JAKMIP1: variants seen among roughly 807,000 people sequenced by gnomAD.
The protein encoded by JAKMIP1 is janus kinase and microtubule interacting protein 1, also known as janus kinase and microtubule-interacting protein 1.
JAKMIP1 carries 33 observed loss-of-function variants against 113.0 expected under a neutral mutation model. The observed-to-expected ratio is 0.29, with a 90% CI of 0.22 to 0.39. The LOEUF is 0.39. JAKMIP1 is among the 10% of genes least tolerant of loss of function. The pLI, the probability that JAKMIP1 is intolerant of heterozygous loss-of-function variation, is 1.00. For missense variants in JAKMIP1, 813 were observed against 1,080.5 expected (o/e 0.75, Z 3.47); for synonymous variants, 480 against 459.9 (o/e 1.04, Z -0.56).
intron 1 of JAKMIP1, among the ~76,000 whole-genome samples, chr4:6,120,249 A>G (rs1255551086): frequency 1.3e-5 from 2 of 151,998 alleles, no homozygotes; most frequent in Non-Finnish European, 2.9e-5. Flanking sequence ...TCTCTGAGTA[A>G]GTACATGACT....
chr4:6,151,726 T>C (rs1450363653), intron 1 of JAKMIP1, among the ~76,000 whole-genome samples: 1 of 152,172 alleles, frequency 6.6e-6, no homozygotes, highest in Non-Finnish European at 1.5e-5. Flanking sequence ...TCAATAGCCA[T>C]TGAAGCTGGA....
Position 6,039,107 on chromosome 4 carries a change from A to G in JAKMIP1, c.2175+1532T>C, listed in dbSNP as rs1010239732. Among the ~76,000 whole-genome samples, 6 of 152,218 alleles carry G rather than the reference A, an allele frequency of 3.9e-5. No homozygotes were observed. In the East Asian group the frequency reaches 1.2e-3, roughly 29 times the overall value. On this transcript the variant is annotated intron_variant, in intron 18 of 20. Transcript: ENST00000409021. ...GCACAGTGCCCATGGCAGGCTTTCA[A>G]ACACTCCAAGTGTGAAGGTAGCTTC... is the stretch of plus-strand genomic sequence containing the variant.
chr4:6,182,608 C>A (rs773175309), intron 1 of JAKMIP1, among the ~76,000 whole-genome samples: 1 of 152,098 alleles, frequency 6.6e-6, no homozygotes, highest in South Asian at 2.1e-4. Flanking sequence ...GCCTCCAGAA[C>A]GGTGAGAAAT....
chr4:6,027,137 T>C (rs188505279), intron 20 of JAKMIP1, among the ~76,000 whole-genome samples: 95 of 151,880 alleles, frequency 6.3e-4, no homozygotes, highest in African/African-American at 2.1e-3. Flanking sequence ...GACTCAAAAG[T>C]AGAATTTTTT....
At chr4:6,128,577 G>A (rs929156660) in intron 1 of JAKMIP1, among the ~76,000 whole-genome samples, 1 of 152,146 alleles carries the variant, frequency 6.6e-6, no homozygotes, top group Non-Finnish European at 1.5e-5. Flanking sequence ...AAAAATGAAC[G>A]GATCCATTGT....
At chr4:6,087,937 G>A (rs539134574) in intron 3 of JAKMIP1, among the ~76,000 whole-genome samples, 1 of 152,224 alleles carries the variant, frequency 6.6e-6, no homozygotes, top group East Asian at 1.9e-4. Flanking sequence ...CCCAAATCCC[G>A]AGTGTTGCAA....
rs1726762186 is a variant in JAKMIP1, at chr4:6,187,350, T to C, written c.-148+12903A>G. ...TATTTACCTGATATATTTTTTCTCA[T>C]CCTTTCACTTTCAATCTATTTGTAT... On this transcript the variant is annotated intron_variant, in intron 1 of 20. Transcript: ENST00000409021. The surrounding 1 kb of genome is among the most constrained non-coding windows in gnomAD (Gnocchi z 4.2). Among the ~76,000 whole-genome samples the C allele has an allele frequency of 6.6e-6, 1 of 152,354 alleles. No homozygotes were observed. Among genetic ancestry groups the C allele is most frequent in the African/African-American group, 2.4e-5 (1 of 41,572 alleles).
rs549223940 is a variant in JAKMIP1 at position 6,162,182 on chromosome 4, C to G, written c.-148+38071G>C. 1.3e-5 allele frequency among the ~76,000 whole-genome samples: 2 copies of G among 152,076 alleles called. No individual in the cohort carries two copies. Among genetic ancestry groups the G allele is most frequent in the South Asian group, 4.1e-4 (2 of 4,820 alleles). ...TCACCAAGGGGCTGTGAGCTTGGAC[C>G]TCGTCCCACTAGAGGGCAGTGGGAG... On this transcript the variant is annotated intron_variant, in intron 1 of 20. Coordinates refer to ENST00000409021, the MANE Select transcript of JAKMIP1 (RefSeq NM_001099433.2). The surrounding 1 kb of genome is among the most constrained non-coding windows in gnomAD (Gnocchi z 5.6).
At chr4:6,039,941 C>G (rs1475198282) in intron 18 of JAKMIP1, among the ~76,000 whole-genome samples, 1 of 152,152 alleles carries the variant, frequency 6.6e-6, no homozygotes, top group Non-Finnish European at 1.5e-5. Context: ...TACAAATGAT[C>G]TGGGCAGAGA....
chr4:6,112,390 C>G (rs1715076592), intron 2 of JAKMIP1, among the ~76,000 whole-genome samples: 1 of 152,212 alleles, frequency 6.6e-6, no homozygotes, highest in Admixed American at 6.5e-5. Flanking sequence ...CTGGGGACTG[C>G]CCCATCCTCG....
intron 1 of JAKMIP1, among the ~76,000 whole-genome samples, chr4:6,119,118 C>A (rs899294541): frequency 1.3e-5 from 2 of 152,090 alleles, no homozygotes; most frequent in Admixed American, 1.3e-4. Flanking sequence ...TAAGGGAATG[C>A]GACCCTGCCA....
intron 1 of JAKMIP1, among the ~76,000 whole-genome samples, chr4:6,126,982 C>T (rs537358473): frequency 6.6e-6 from 1 of 151,888 alleles, no homozygotes; most frequent in South Asian, 2.1e-4. Context: ...CATACATAGA[C>T]ATCACACACA....
intron 2 of JAKMIP1, among the ~76,000 whole-genome samples, chr4:6,109,389 T>A (rs762260890): frequency 6.6e-6 from 1 of 151,946 alleles, no homozygotes; most frequent in Non-Finnish European, 1.5e-5. Flanking sequence ...CGCCTTGGCC[T>A]CCCAAAGTGC....
Position 6,167,710 on chromosome 4 carries a change from G to A in JAKMIP1, c.-148+32543C>T, listed in dbSNP as rs1723814023. 6.6e-6 allele frequency among the ~76,000 whole-genome samples: 1 copy of A among 152,224 alleles called. No individual in the cohort carries two copies. Among genetic ancestry groups the A allele is most frequent in the Admixed American group, 6.5e-5 (1 of 15,282 alleles). On this transcript the variant is annotated intron_variant, in intron 1 of 20. Coordinates refer to ENST00000409021, the MANE Select transcript of JAKMIP1 (RefSeq NM_001099433.2). The surrounding 1 kb of genome is among the most constrained non-coding windows in gnomAD (Gnocchi z 5.3). ...GTGTCAGCTCCCTCCACCCCACCATGAATGTACTGCTATCCTCACTTTACA... is the reference window on the plus strand; with the variant it reads ...GTGTCAGCTCCCTCCACCCCACCATAAATGTACTGCTATCCTCACTTTACA...
chr4:6,195,511 T>C (rs938056020), intron 1 of JAKMIP1, among the ~76,000 whole-genome samples: 4 of 152,164 alleles, frequency 2.6e-5, no homozygotes, highest in Admixed American at 6.5e-5. Flanking sequence ...TTTTTGAAAA[T>C]AGATATCACA....
chr4:6,029,920 G>T, intron 19 of JAKMIP1, 139 bp from the exon 20 acceptor site: 1 of 656,322 alleles, frequency 1.5e-6, no homozygotes, highest in South Asian at 1.8e-5. Context: ...TCTGATACAT[G>T]CACAAGCCCA....
Position 6,036,099 on chromosome 4 carries a change from T to G in JAKMIP1, c.2184A>C (p.Gln728His), listed in dbSNP as rs751324988. 6.5e-6 allele frequency: 10 copies of G among 1,549,266 alleles called. No homozygotes were observed. Among genetic ancestry groups the G allele is most frequent in the Non-Finnish European group, 6.1e-6 (7 of 1,144,550 alleles). Reference protein sequence around the residue: ...QALDQAYLKIQDLEATLYTAL... With the variant: ...QALDQAYLKIHDLEATLYTAL... ...CTGTGTACAGTGTGGCCTCCAGGTC[T>G]TGGATTTTCTGAGGACCCCAGATCA... Residue 728 changes from glutamine (Q) to histidine (H), a missense_variant, in exon 19 of 21, where the codon CAA becomes CAC. By Grantham distance (24) the Gln-to-His change is conservative. Transcript: ENST00000409021.
At chr4:6,078,479 A>C (rs1720012033) in intron 8 of JAKMIP1, among the ~76,000 whole-genome samples, 1 of 142,982 alleles carries the variant, frequency 7.0e-6, no homozygotes, top group Non-Finnish European at 1.5e-5. Context: ...TTTGAATTTT[A>C]TAAGCCCAGC....
In JAKMIP1 at chr4:6,167,448, A is replaced by G. The variant is rs558453105; in HGVS notation, c.-148+32805T>C. Among the ~76,000 whole-genome samples the G allele has an allele frequency of 6.6e-6, 1 of 152,174 alleles. No homozygotes were observed. Among genetic ancestry groups the G allele is most frequent in the South Asian group, 2.1e-4 (1 of 4,816 alleles). ...GGACAGCCACCTTCCCACAAGGCAA[A>G]TCTGCCTCTAATAGTGGTTAAGGAC... On this transcript the variant is annotated intron_variant, in intron 1 of 20. Coordinates refer to ENST00000409021, the MANE Select transcript of JAKMIP1 (RefSeq NM_001099433.2). This position sits in a 1 kb window ranked among gnomAD's most constrained non-coding sequence, Gnocchi z 5.3.
Sources: gnomAD v4.1 joint callset for allele counts (sites outside exome capture counted in the v4.1 genomes callset) on GRCh38, gnomAD v4.1.1 for gene constraint, Gnocchi (gnomAD v3.1) non-coding constraint, MANE v1.5 for transcripts, NCBI Gene and HGNC (gene_info 2026-07-23, HGNC 2026-07-21) for gene names.